Variants in ZNF730 observed in about 807,000 individuals in gnomAD.
ZNF730 encodes the protein putative zinc finger protein 730.
A neutral mutation model predicts 12.6 loss-of-function variants in ZNF730; 12 were observed. The observed-to-expected ratio is 0.95, with a 90% CI of 0.61 to 1.54. The LOEUF (loss-of-function observed/expected upper bound fraction) is 1.54, where lower values mean the gene tolerates loss of function less well. ZNF730 is among the 40% of genes most tolerant of loss of function. The probability of loss-of-function intolerance (pLI) is 0.00; values close to 1 mark genes in which losing one functional copy is unlikely to be tolerated. For synonymous variants in ZNF730, 194 were observed against 195.8 expected (o/e 0.99, Z 0.08); for missense variants, 643 against 583.5 (o/e 1.10, Z -1.05).
At chr19:23,103,740 A>G (rs908093544) in intron 1 of ZNF730, among the ~76,000 whole-genome samples, 1 of 152,150 alleles carries the variant, frequency 6.6e-6, no homozygotes, top group Non-Finnish European at 1.5e-5. Context: ...ATGTTCCAAA[A>G]TTGTTTGGGA....
At chr19:23,101,548 C>T (rs1473419) in intron 1 of ZNF730, among the ~76,000 whole-genome samples, 83,724 of 152,068 alleles carry the variant, frequency 0.55, 25,761 homozygotes, top group South Asian at 0.72. Context: ...ATCTGCTACC[C>T]ACCTTAGTGA....
At chr19:23,114,399 C>CTG (rs541931374), upstream of ZNF730, among the ~76,000 whole-genome samples, 366 of 149,182 alleles carry the variant, frequency 2.5e-3, 3 homozygotes, top group African/African-American at 8.7e-3. Flanking sequence ...CTCCGCCTCC[C>CTG]GGGTTCTCGC....
intron 1 of ZNF730, among the ~76,000 whole-genome samples, chr19:23,095,888 A>G (rs1326884586): frequency 2.6e-5 from 4 of 152,102 alleles, no homozygotes; most frequent in African/African-American, 9.7e-5. Context: ...CATACACATG[A>G]TGTGATTTTC....
intron 1 of ZNF730, among the ~76,000 whole-genome samples, chr19:23,102,710 G>A (rs1448674573): frequency 6.6e-6 from 1 of 151,930 alleles, no homozygotes; most frequent in African/African-American, 2.4e-5. Flanking sequence ...TGGCCAGGCT[G>A]GTCTCGAGCT....
upstream of ZNF730, among the ~76,000 whole-genome samples, chr19:23,112,804 G>A (rs1269125206): frequency 6.6e-6 from 1 of 151,310 alleles, no homozygotes; most frequent in Non-Finnish European, 1.5e-5. Context: ...TGTCTCATCA[G>A]AAACAGAATG....
intron 1 of ZNF730, among the ~76,000 whole-genome samples, chr19:23,093,874 G>T (rs1970199671): frequency 6.6e-6 from 1 of 152,234 alleles, no homozygotes; most frequent in South Asian, 2.1e-4. Flanking sequence ...CGCCTCCCTT[G>T]GCCTGTAGGG....
chr19:23,124,211 C>G (rs932978709), intron 1 of ZNF730: 10 of 152,160 alleles, frequency 6.6e-5, no homozygotes, highest in African/African-American at 2.4e-4. Flanking sequence ...AGGACACTGG[C>G]CACTAGGAGA....
intron 1 of ZNF730, among the ~76,000 whole-genome samples, chr19:23,124,925 G>GT (rs1970643206): frequency 6.6e-6 from 1 of 152,110 alleles, no homozygotes; most frequent in African/African-American, 2.4e-5. Context: ...ATCTTAAATT[G>GT]TAACTCCCAC....
At chr19:23,114,456 G>A (rs572551078), upstream of ZNF730, among the ~76,000 whole-genome samples, 27 of 149,824 alleles carry the variant, frequency 1.8e-4, no homozygotes, top group Non-Finnish European at 3.7e-4. Context: ...ACAGGCGCCC[G>A]CCATCACACC....
In ZNF730 at chr19:23,137,606, T is replaced by A. The variant is rs115728876; in HGVS notation, c.226+1563T>A. On this transcript the variant is annotated intron_variant, in intron 3 of 3. Transcript: ENST00000597761. ...TTTTTCTGCCACGTACCTTCAGTGC[T>A]ATGTTTAAGTAGAAGCATTGAGAAT... 8.2e-3 allele frequency among the ~76,000 whole-genome samples: 1,249 copies of A among 152,388 alleles called. 13 individuals carry two copies. The highest frequency in any genetic ancestry group is 0.029 in the African/African-American group (1,192 of 41,604).
chr19:23,131,471 G>A (rs745916775), intron 1 of ZNF730, among the ~76,000 whole-genome samples: 13 of 152,226 alleles, frequency 8.5e-5, no homozygotes, highest in East Asian at 3.9e-4. Context: ...AGACTTAAAC[G>A]TTGCTTTCTA....
intron 1 of ZNF730, among the ~76,000 whole-genome samples, chr19:23,090,050 A>G (rs1469046829): frequency 1.3e-5 from 2 of 152,132 alleles, no homozygotes; most frequent in African/African-American, 4.8e-5. Flanking sequence ...GATCAAGACT[A>G]TCCTGGCCAA....
intron 1 of ZNF730, chr19:23,127,653 A>C: frequency 8.6e-7 from 1 of 1,160,974 alleles, no homozygotes; most frequent in Non-Finnish European, 1.3e-6. Flanking sequence ...TGAATGGTGA[A>C]TTTTACTTTA....
At chr19:23,082,802 G>A (rs549005741) in intron 1 of ZNF730, among the ~76,000 whole-genome samples, 4 of 152,076 alleles carry the variant, frequency 2.6e-5, no homozygotes, top group African/African-American at 7.2e-5. Flanking sequence ...CTTGGGTTCA[G>A]GTGATTCTCC....
At chr19:23,121,136 G>A (rs1970593183) in intron 1 of ZNF730, among the ~76,000 whole-genome samples, 1 of 152,184 alleles carries the variant, frequency 6.6e-6, no homozygotes, top group South Asian at 2.1e-4. Context: ...CAGTTTTAGA[G>A]TATTTGACAC....
At chr19:23,085,476 G>A (rs1970042863) in intron 1 of ZNF730, among the ~76,000 whole-genome samples, 1 of 140,388 alleles carries the variant, frequency 7.1e-6, no homozygotes, top group Non-Finnish European at 1.5e-5. Flanking sequence ...GGGATTACAG[G>A]CATGAGCCAC....
intron 3 of ZNF730, among the ~76,000 whole-genome samples, chr19:23,138,440 G>A (rs1250272482): frequency 6.6e-6 from 1 of 152,152 alleles, no homozygotes; most frequent in Non-Finnish European, 1.5e-5. Context: ...AAGACAATAA[G>A]GACCAAGGTC....
upstream of ZNF730, among the ~76,000 whole-genome samples, chr19:23,113,014 G>A (rs1191974715): frequency 6.6e-6 from 1 of 152,188 alleles, no homozygotes; most frequent in Admixed American, 6.5e-5. Flanking sequence ...GCACTGTAAA[G>A]GCTATGGTTA....
chr19:23,111,583 C>A (rs953194575), intron 1 of ZNF730, among the ~76,000 whole-genome samples: 1 of 151,906 alleles, frequency 6.6e-6, no homozygotes, highest in Non-Finnish European at 1.5e-5. Flanking sequence ...CCCGTCTCTA[C>A]TAAAAATTAC....
Sources: allele counts gnomAD v4.1 joint callset (sites outside exome capture counted in the v4.1 genomes callset), GRCh38; gene constraint gnomAD v4.1.1; transcripts MANE v1.5; gene names NCBI Gene and HGNC (gene_info 2026-07-23, HGNC 2026-07-21).